PLPPR1: variants seen among roughly 807,000 people sequenced by gnomAD.
PLPPR1 encodes phospholipid phosphatase related 1, also known as phospholipid phosphatase-related protein type 1.
PLPPR1 carries 10 observed loss-of-function variants against 33.1 expected under a neutral mutation model. The ratio of observed to expected loss-of-function variants is 0.30; its 90% CI spans 0.19 to 0.51. The LOEUF (loss-of-function observed/expected upper bound fraction) is 0.51. PLPPR1 is among the 20% of genes least tolerant of loss of function. PLPPR1 has a pLI of 0.97. For synonymous variants in PLPPR1, 151 were observed against 151.0 expected, an observed-to-expected ratio of 1.00 and a Z score of 0.00; for missense variants, 304 against 408.1, an observed-to-expected ratio of 0.74 and a Z score of 2.20.
At chr9:101,320,676 T>A (rs1829135748) in intron 7 of PLPPR1, among the ~76,000 whole-genome samples, 1 of 152,212 alleles carries the variant, frequency 6.6e-6, no homozygotes, top group Non-Finnish European at 1.5e-5. Context: ...TAGTAATAAA[T>A]GTTTCCACAT....
intron 4 of PLPPR1, among the ~76,000 whole-genome samples, chr9:101,308,155 C>T (rs542217567): frequency 6.6e-6 from 1 of 152,292 alleles, no homozygotes; most frequent in South Asian, 2.1e-4. Context: ...TGTTACCTTA[C>T]ATGGCAAAAG....
At chr9:101,168,216 T>C (rs1825888683) in intron 1 of PLPPR1, among the ~76,000 whole-genome samples, 1 of 152,156 alleles carries the variant, frequency 6.6e-6, no homozygotes, top group Non-Finnish European at 1.5e-5. Flanking sequence ...AGTCTCCCTC[T>C]GCCATCCCTC....
intron 1 of PLPPR1, among the ~76,000 whole-genome samples, chr9:101,124,813 C>T (rs971787607): frequency 6.6e-6 from 1 of 152,200 alleles, no homozygotes; most frequent in African/African-American, 2.4e-5. Flanking sequence ...TTCCTTTTTC[C>T]CAGCTCTTTG....
chr9:101,195,732 G>A lies in PLPPR1; in HGVS notation c.63+10175G>A, dbSNP rs548652038. On this transcript the variant is annotated intron_variant, in intron 2 of 7. Coordinates refer to ENST00000374874, the MANE Select transcript of PLPPR1 (RefSeq NM_207299.2). ...TTCCTCAATCTGCCACCTGCTTTGT[G>A]TTGTTTTCCAGACCACCTTGTTCCT... 1.3e-4 allele frequency among the ~76,000 whole-genome samples: 20 copies of A among 152,282 alleles called. No individual in the cohort carries two copies. In the South Asian group the frequency reaches 3.9e-3, roughly 30 times the overall value.
chr9:101,108,008 C>G (rs896895722), intron 1 of PLPPR1, among the ~76,000 whole-genome samples: 3 of 149,010 alleles, frequency 2.0e-5, no homozygotes, highest in African/African-American at 7.5e-5. Flanking sequence ...TGCTTCGGCT[C>G]GCGCACGGTG....
At chr9:101,164,938 G>A (rs1588054489) in intron 1 of PLPPR1, among the ~76,000 whole-genome samples, 2 of 152,048 alleles carry the variant, frequency 1.3e-5, no homozygotes. Flanking sequence ...AGGGGAGGGG[G>A]TTGGAGGTGA....
chr9:101,177,068 T>C (rs1317070671), intron 1 of PLPPR1, among the ~76,000 whole-genome samples: 1 of 152,200 alleles, frequency 6.6e-6, no homozygotes, highest in Non-Finnish European at 1.5e-5. Context: ...CCTCCAGCTT[T>C]GTTCTTTTGC....
At chr9:101,291,145 A>G (rs911529500) in intron 4 of PLPPR1, among the ~76,000 whole-genome samples, 1 of 152,216 alleles carries the variant, frequency 6.6e-6, no homozygotes, top group African/African-American at 2.4e-5. Context: ...TATCCCTCAC[A>G]TGGCTCGGAG....
chr9:101,147,890 C>T (rs1831539108), intron 1 of PLPPR1, among the ~76,000 whole-genome samples: 3 of 152,142 alleles, frequency 2.0e-5, no homozygotes, highest in Non-Finnish European at 4.4e-5. Context: ...GTGTTCTGAC[C>T]TCAAAGCCCA....
intron 1 of PLPPR1, among the ~76,000 whole-genome samples, chr9:101,123,981 A>G (rs1325384434): frequency 6.6e-6 from 1 of 152,158 alleles, no homozygotes; most frequent in African/African-American, 2.4e-5. Context: ...GCCCTGCCTC[A>G]GCTTCTCCCG....
chr9:101,050,044 C>T (rs941788043), intron 1 of PLPPR1, among the ~76,000 whole-genome samples: 11 of 143,938 alleles, frequency 7.6e-5, no homozygotes, highest in African/African-American at 2.6e-4. Flanking sequence ...AGAATTGCTT[C>T]AACCTGGGAG....
intron 1 of PLPPR1, among the ~76,000 whole-genome samples, chr9:101,178,277 G>C (rs575383901): frequency 6.6e-6 from 1 of 152,300 alleles, no homozygotes; most frequent in South Asian, 2.1e-4. Context: ...CACCAAGGCT[G>C]ACCTGGCTAC....
chr9:101,059,921 T>C (rs891734573), intron 1 of PLPPR1, among the ~76,000 whole-genome samples: 1 of 151,956 alleles, frequency 6.6e-6, no homozygotes, highest in South Asian at 2.1e-4. Flanking sequence ...GCTTTAAAAA[T>C]TATCTAAAAA....
intron 4 of PLPPR1, among the ~76,000 whole-genome samples, chr9:101,308,648 A>AT: frequency 6.6e-6 from 1 of 151,954 alleles, no homozygotes; most frequent in Non-Finnish European, 1.5e-5. Flanking sequence ...TTCTAGAATA[A>AT]TTTTTTTAAA....
chr9:101,076,294 C>T (rs760376032), intron 1 of PLPPR1, among the ~76,000 whole-genome samples: 1 of 152,006 alleles, frequency 6.6e-6, no homozygotes, highest in Non-Finnish European at 1.5e-5. Context: ...GTTTTAGTCT[C>T]TATTGGAAGC....
intron 1 of PLPPR1, among the ~76,000 whole-genome samples, chr9:101,036,231 G>A (rs1238045931): frequency 6.6e-6 from 1 of 152,104 alleles, no homozygotes; most frequent in Admixed American, 6.5e-5. Flanking sequence ...TCCTATACTG[G>A]TGTAAAAATG....
intron 1 of PLPPR1, among the ~76,000 whole-genome samples, chr9:101,030,901 ATAAG>A (rs1454832981): frequency 6.6e-6 from 1 of 151,890 alleles, no homozygotes; most frequent in South Asian, 2.1e-4. Flanking sequence ...ATCTTCACTC[ATAAG>A]TAAGCATAGC....
At chr9:101,144,000 A>G (rs1831489671) in intron 1 of PLPPR1, among the ~76,000 whole-genome samples, 1 of 152,224 alleles carries the variant, frequency 6.6e-6, no homozygotes, top group Non-Finnish European at 1.5e-5. Flanking sequence ...TTGTGGCACT[A>G]TTCACAATAG....
At chr9:101,322,198 C>CAAAAAA (rs57344415) in intron 7 of PLPPR1, among the ~76,000 whole-genome samples, 19 of 27,680 alleles carry the variant, frequency 6.9e-4, no homozygotes, top group Non-Finnish European at 8.7e-4. Context: ...GACTTCATCT[C>CAAAAAA]AAAAAAAAAA....
Sources: allele counts gnomAD v4.1 joint callset (sites outside exome capture counted in the v4.1 genomes callset), GRCh38; gene constraint gnomAD v4.1.1; transcripts MANE v1.5; gene names NCBI Gene and HGNC (gene_info 2026-07-23, HGNC 2026-07-21).